HSD17B2: variants seen among roughly 807,000 people sequenced by gnomAD.
The protein encoded by HSD17B2 is hydroxysteroid 17-beta dehydrogenase 2.
In HSD17B2, 32 loss-of-function variants were observed where a neutral mutation model predicts 26.9. The ratio of observed to expected loss-of-function variants is 1.19; its 90% CI spans 0.90 to 1.60. HSD17B2 has a LOEUF of 1.60. Among genes scored for constraint, HSD17B2 ranks in the 40% most tolerant of loss-of-function variants. The pLI is 0.00. For synonymous variants in HSD17B2, 246 were observed against 186.7 expected, an observed-to-expected ratio of 1.32 and a Z score of -2.59; for missense variants, 613 against 468.6, an observed-to-expected ratio of 1.31 and a Z score of -2.85.
At chr16:82,063,216 G>T (rs922902856) in intron 1 of HSD17B2, 3 of 152,158 alleles carry the variant, frequency 2.0e-5, no homozygotes, top group Non-Finnish European at 4.4e-5. Context: ...GTCAGTAGAG[G>T]CAAACTCTAC....
chr16:82,081,013 T>A (rs1321370557), intron 3 of HSD17B2, among the ~76,000 whole-genome samples: 1 of 151,854 alleles, frequency 6.6e-6, no homozygotes, highest in African/African-American at 2.4e-5. Flanking sequence ...TACTTCCCCC[T>A]CCCTGTCCTT....
chr16:82,098,012 C>T (rs562400489), intron 4 of HSD17B2, 63 bp from the exon 5 acceptor site: 57 of 1,528,858 alleles, frequency 3.7e-5, no homozygotes, highest in South Asian at 6.5e-5. Flanking sequence ...CAGAGACAAG[C>T]GCCTGCTCCC....
Position 82,042,279 on chromosome 16 carries a change from A to G in HSD17B2, c.265+6590A>G, listed in dbSNP as rs147773377. Among the ~76,000 whole-genome samples, 618 of 151,972 alleles carry G rather than the reference A, an allele frequency of 4.1e-3. 2 individuals carry two copies. The highest frequency in any genetic ancestry group is 0.014 in the African/African-American group (590 of 41,546). The stretch of plus-strand genomic sequence containing the variant: ...CTCAGCCTCCCAAAGCGCTGGGATT[A>G]CAGGCATGAGTCACCACGCCCAGCC... On this transcript the variant is annotated intron_variant, in intron 1 of 4. Transcript: ENST00000199936.
intron 1 of HSD17B2, among the ~76,000 whole-genome samples, chr16:82,066,577 T>A (rs762761368): frequency 1.3e-5 from 2 of 152,196 alleles, no homozygotes; most frequent in Non-Finnish European, 2.9e-5. Flanking sequence ...CATTACAAGA[T>A]AAGGTCCACC....
At chr16:82,048,441 A>G (rs1914003648) in intron 1 of HSD17B2, among the ~76,000 whole-genome samples, 1 of 152,196 alleles carries the variant, frequency 6.6e-6, no homozygotes, top group Non-Finnish European at 1.5e-5. Context: ...CAGCAAGGAG[A>G]TGATGTTAGT....
At position 82,063,880 on chromosome 16, in the gene HSD17B2, G is replaced by A. The variant is rs145999013; in HGVS notation, c.266-4290G>A. ...ACGAACACTTTGTTCCGACTGACCA[G>A]TGGAAACAGGCAGTTAAACTAACCA... is the stretch of plus-strand genomic sequence containing the variant. On this transcript the variant is annotated intron_variant, in intron 1 of 4. Coordinates refer to ENST00000199936, the MANE Select transcript of HSD17B2 (RefSeq NM_002153.3). 7.5e-4 allele frequency among the ~76,000 whole-genome samples: 114 copies of A among 152,292 alleles called. 1 individual carries two copies. Among genetic ancestry groups the A allele is most frequent in the African/African-American group, 2.4e-3 (101 of 41,572 alleles).
rs758055685 is a variant in HSD17B2, at chr16:82,098,228, C to G, written c.956C>G (p.Ser319Cys). Residue 319 changes from serine to cysteine, a missense_variant, in exon 5 of 5, where the codon TCT becomes TGT. Ser to Cys is a moderately radical substitution (Grantham distance 112). Coordinates refer to ENST00000199936, the MANE Select transcript of HSD17B2 (RefSeq NM_002153.3). ...LINSLASKDFSPVLRDIQHAI... is the reference protein window; with the variant it reads ...LINSLASKDFCPVLRDIQHAI... ...AACTCGTTAGCCAGCAAGGACTTCT[C>G]TCCGGTGCTGCGGGACATCCAGCAT... 8.1e-6 allele frequency: 13 copies of G among 1,614,104 alleles called. No individual in the cohort carries two copies. The East Asian group carries it at 2.7e-4, about 33-fold the overall frequency.
At chr16:82,079,232 G>C (rs1904324170) in intron 3 of HSD17B2, among the ~76,000 whole-genome samples, 1 of 152,144 alleles carries the variant, frequency 6.6e-6, no homozygotes, top group Non-Finnish European at 1.5e-5. Context: ...CTCTGTGTTA[G>C]TTTGCTAGGG....
At chr16:82,043,422 T>TTTCA (rs1913822384) in intron 1 of HSD17B2, among the ~76,000 whole-genome samples, 1 of 124,272 alleles carries the variant, frequency 8.0e-6, no homozygotes, top group Non-Finnish European at 1.5e-5. Context: ...CGGTGGCTCA[T>TTTCA]GCCTGTAATC....
intron 1 of HSD17B2, among the ~76,000 whole-genome samples, chr16:82,038,382 A>C (rs543923792): frequency 6.6e-6 from 1 of 151,990 alleles, no homozygotes; most frequent in African/African-American, 2.4e-5. Context: ...TGGGGTCTCA[A>C]TCTGTTGCCC....
At chr16:82,052,410 T>C (rs192439002) in intron 1 of HSD17B2, 1 of 152,366 alleles carries the variant, frequency 6.6e-6, no homozygotes. Context: ...TCCTCCTTGG[T>C]CAGAGCAAGC....
rs771897178 is a variant in HSD17B2, at chr16:82,091,022, C to T, written c.785C>T (p.Pro262Leu). The T allele has an allele frequency of 1.8e-5, 29 of 1,613,936 alleles. No homozygotes were observed. The East Asian group carries it at 6.2e-4, about 35-fold the overall frequency. The change falls in exon 4 of 5, where the codon CCT becomes CTT. Residue 262 changes from proline (P) to leucine (L), a missense_variant. Transcript: ENST00000199936. ...GGAATTAAAGTTGCTTCCATCCAAC[C>T]TGGAGGCTTCCTAACAAGTAGGTTT... ...KWGIKVASIQ[P>L]GGFLTNIAGT...
At chr16:82,086,187 T>A (rs901518782) in intron 3 of HSD17B2, among the ~76,000 whole-genome samples, 1 of 152,178 alleles carries the variant, frequency 6.6e-6, no homozygotes. Flanking sequence ...TAGATGGGCA[T>A]AGCAACATTA....
intron 1 of HSD17B2, among the ~76,000 whole-genome samples, chr16:82,050,650 C>G (rs1480441322): frequency 6.6e-6 from 1 of 152,202 alleles, no homozygotes; most frequent in Non-Finnish European, 1.5e-5. Context: ...CCTCTCTCCC[C>G]TGCTAGTTAG....
At chr16:82,050,408 C>CTCG (rs1249801921) in intron 1 of HSD17B2, among the ~76,000 whole-genome samples, 8 of 152,082 alleles carry the variant, frequency 5.3e-5, no homozygotes, top group Non-Finnish European at 8.8e-5. Flanking sequence ...ATGTCCACGG[C>CTCG]TCGTCACCTC....
intron 3 of HSD17B2, among the ~76,000 whole-genome samples, chr16:82,083,359 C>G (rs1156493222): frequency 6.6e-6 from 1 of 152,070 alleles, no homozygotes; most frequent in African/African-American, 2.4e-5. Flanking sequence ...TAAGAATCTT[C>G]TAGGATGCCA....
intron 3 of HSD17B2, among the ~76,000 whole-genome samples, chr16:82,084,560 T>TA (rs1207354188): frequency 2.6e-5 from 4 of 151,498 alleles, no homozygotes; most frequent in Admixed American, 6.6e-5. Flanking sequence ...TATTATTATT[T>TA]TTTTTATTTT....
intron 1 of HSD17B2, 131 bp downstream of exon 1, chr16:82,035,820 A>G: frequency 3.1e-6 from 3 of 959,932 alleles, no homozygotes; most frequent in Non-Finnish European, 4.7e-6. Flanking sequence ...TCACCCAAGT[A>G]TTTTTCATGA....
At chr16:82,074,766 C>T (rs1193005087) in intron 3 of HSD17B2, among the ~76,000 whole-genome samples, 1 of 152,200 alleles carries the variant, frequency 6.6e-6, no homozygotes, top group Admixed American at 6.5e-5. Context: ...GGCTTCAATA[C>T]TCCACTTTCA....
Sources: allele counts gnomAD v4.1 joint callset (sites outside exome capture counted in the v4.1 genomes callset), GRCh38; gene constraint gnomAD v4.1.1; transcripts MANE v1.5; gene names NCBI Gene and HGNC (gene_info 2026-07-23, HGNC 2026-07-21).